Variants in ERC1 observed in about 807,000 individuals in gnomAD.
ERC1 encodes the protein RAB6 interacting protein 2.
Under a neutral mutation model 132.0 loss-of-function variants are expected in ERC1, and 56 were observed. The ratio of observed to expected loss-of-function variants is 0.42; its 90% CI spans 0.34 to 0.53. ERC1 has a LOEUF of 0.53. Among genes scored for constraint, ERC1 ranks in the 20% least tolerant of loss-of-function variants. The pLI is 0.03. For missense variants in ERC1, 1,202 were observed against 1,349.9 expected (o/e 0.89, Z 1.72); for synonymous variants, 478 against 476.1 (o/e 1.00, Z -0.05).
At chr12:1,040,581 C>T (rs1970037840) in intron 2 of ERC1, among the ~76,000 whole-genome samples, 1 of 152,150 alleles carries the variant, frequency 6.6e-6, no homozygotes, top group Non-Finnish European at 1.5e-5. Context: ...GCTGGGTTTA[C>T]AGGCGTGAGC....
chr12:1,263,237 A>T, intron 14 of ERC1, 72 bp downstream of exon 14: 1 of 1,480,222 alleles, frequency 6.8e-7, no homozygotes, highest in Non-Finnish European at 9.4e-7. Flanking sequence ...AGTATAGTTT[A>T]GGTAAACTAT....
At chr12:1,189,249 GT>G in intron 11 of ERC1, among the ~76,000 whole-genome samples, 1 of 152,196 alleles carries the variant, frequency 6.6e-6, no homozygotes, top group East Asian at 1.9e-4. Context: ...TCATTTGTTT[GT>G]CCCATATTAT....
chr12:1,121,883 GT>G (rs1947303226), intron 7 of ERC1, among the ~76,000 whole-genome samples: 10 of 28,902 alleles, frequency 3.5e-4, no homozygotes, highest in African/African-American at 6.9e-4. Context: ...CTCTATCTGT[GT>G]CTCTATCTCT....
intron 3 of ERC1, among the ~76,000 whole-genome samples, chr12:1,090,984 A>T (rs1406818650): frequency 7.4e-6 from 1 of 135,046 alleles, no homozygotes; most frequent in Non-Finnish European, 1.7e-5. Context: ...TGTAACCTCC[A>T]CCTCCCGGGT....
chr12:1,285,103 G>T (rs951953253), intron 14 of ERC1, among the ~76,000 whole-genome samples: 2 of 152,002 alleles, frequency 1.3e-5, no homozygotes, highest in Non-Finnish European at 2.9e-5. Flanking sequence ...TTGAATGAAG[G>T]GTAAAATGTG....
intron 18 of ERC1, among the ~76,000 whole-genome samples, chr12:1,469,258 C>T (rs2093808696): frequency 6.6e-6 from 1 of 152,248 alleles, no homozygotes; most frequent in South Asian, 2.1e-4. Context: ...GTGTGGCACC[C>T]TGCAGGCTGC....
intron 12 of ERC1, among the ~76,000 whole-genome samples, chr12:1,211,282 A>G (rs1016569879): frequency 6.6e-6 from 1 of 151,008 alleles, no homozygotes; most frequent in Non-Finnish European, 1.5e-5. Context: ...TGGAGTAGCT[A>G]GGATTACAGG....
At chr12:1,054,386 T>C (rs75035159) in intron 2 of ERC1, among the ~76,000 whole-genome samples, 2 of 152,078 alleles carry the variant, frequency 1.3e-5, no homozygotes, top group African/African-American at 4.8e-5. Context: ...TCCTTTAAGA[T>C]TTTTGTTTTA....
At chr12:1,405,439 C>G (rs1198996722) in intron 16 of ERC1, among the ~76,000 whole-genome samples, 2 of 152,092 alleles carry the variant, frequency 1.3e-5, no homozygotes, top group Non-Finnish European at 2.9e-5. Flanking sequence ...CACAGTTGCT[C>G]ACGCCTGTAA....
chr12:1,317,544 G>T (rs2081845932), intron 15 of ERC1, among the ~76,000 whole-genome samples: 1 of 152,110 alleles, frequency 6.6e-6, no homozygotes, highest in Non-Finnish European at 1.5e-5. Context: ...AGAACTTAAA[G>T]TATAATTTTA....
intron 8 of ERC1, among the ~76,000 whole-genome samples, chr12:1,147,651 ACTTTT>A (rs1221067785): frequency 1.3e-5 from 2 of 152,134 alleles, no homozygotes; most frequent in African/African-American, 4.8e-5. Context: ...TTCCTATTAA[ACTTTT>A]CTTTAAGTGT....
Position 1,126,286 on chromosome 12 carries a change from CAG to C in ERC1, c.1569+10255_1569+10256del, listed in dbSNP as rs1425488918. On this transcript the variant is annotated intron_variant, in intron 7 of 18. Transcript: ENST00000360905. ...CCAAACGAAACCAAACAGTGCACCT[CAG>C]AACAGTGCGGTAACTAGCACAGGAA... is the stretch of plus-strand genomic sequence containing the variant. Among the ~76,000 whole-genome samples the C allele has an allele frequency of 2.0e-5, 3 of 152,220 alleles. No individual in the cohort carries two copies. The East Asian group carries it at 5.8e-4, about 29-fold the overall frequency.
chr12:1,335,193 T>C (rs1042805665), intron 15 of ERC1, among the ~76,000 whole-genome samples: 8 of 152,206 alleles, frequency 5.3e-5, no homozygotes, highest in African/African-American at 1.9e-4. Flanking sequence ...TTTAATTTCC[T>C]CTCTTCCCAT....
chr12:1,101,600 A>G (rs1044336277), intron 3 of ERC1, among the ~76,000 whole-genome samples: 1 of 152,220 alleles, frequency 6.6e-6, no homozygotes, highest in Non-Finnish European at 1.5e-5. Context: ...CTTTAATCAC[A>G]AGAAAGGCTG....
intron 15 of ERC1, among the ~76,000 whole-genome samples, chr12:1,351,058 C>T (rs576752967): frequency 1.3e-5 from 2 of 152,306 alleles, no homozygotes; most frequent in African/African-American, 4.8e-5. Context: ...GAACACCTCC[C>T]ATCAGGCCCC....
chr12:1,105,420 T>C (rs1031121218), intron 4 of ERC1, among the ~76,000 whole-genome samples: 2 of 152,098 alleles, frequency 1.3e-5, no homozygotes, highest in Non-Finnish European at 2.9e-5. Context: ...TGCAGTGGCG[T>C]GATCTTGGCT....
chr12:1,034,731 G>T (rs375716524), intron 2 of ERC1, among the ~76,000 whole-genome samples: 1 of 152,178 alleles, frequency 6.6e-6, no homozygotes, highest in Admixed American at 6.5e-5. Flanking sequence ...AGTTATTGGC[G>T]TACTTGTTCA....
At chr12:1,487,172 G>A (rs946924253) in intron 18 of ERC1, among the ~76,000 whole-genome samples, 2 of 152,168 alleles carry the variant, frequency 1.3e-5, no homozygotes, top group South Asian at 4.1e-4. Context: ...GCCAGAGTTT[G>A]GGGTGCACCA....
At chr12:1,382,094 A>G (rs1022196015) in intron 16 of ERC1, among the ~76,000 whole-genome samples, 44 of 152,338 alleles carry the variant, frequency 2.9e-4, no homozygotes, top group African/African-American at 1.0e-3. Context: ...ATAGCGTGGT[A>G]CAATAGAAAT....
Sources: allele counts gnomAD v4.1 joint callset (sites outside exome capture counted in the v4.1 genomes callset), GRCh38; gene constraint gnomAD v4.1.1; transcripts MANE v1.5; gene names NCBI Gene and HGNC (gene_info 2026-07-23, HGNC 2026-07-21).